The following KALRN variants were observed in gnomAD, a reference collection of about 807,000 sequenced individuals.
KALRN encodes kalirin RhoGEF kinase.
Under a neutral mutation model 353.7 loss-of-function variants are expected in KALRN, and 70 were observed. That is an observed-to-expected ratio of 0.20 (90% CI 0.16 to 0.24). The LOEUF (loss-of-function observed/expected upper bound fraction) is 0.24, where lower values mean the gene tolerates loss of function less well. Among genes scored for constraint, KALRN ranks in the 10% least tolerant of loss-of-function variants. The probability of loss-of-function intolerance (pLI) is 1.00; values close to 1 mark genes in which losing one functional copy is unlikely to be tolerated. For synonymous variants in KALRN, 1,391 were observed against 1,434.8 expected (o/e 0.97, Z 0.69); for missense variants, 2,791 against 3,756.7 (o/e 0.74, Z 6.72).
chr3:124,688,861 G>A (rs933254947), intron 51 of KALRN, among the ~76,000 whole-genome samples: 2 of 152,174 alleles, frequency 1.3e-5, no homozygotes, highest in African/African-American at 2.4e-5. Context: ...GTCAGTGCTG[G>A]TTAATATTAC....
intron 3 of KALRN, among the ~76,000 whole-genome samples, chr3:124,254,294 A>C (rs1423256409): frequency 1.3e-5 from 2 of 152,168 alleles, no homozygotes; most frequent in African/African-American, 4.8e-5. Flanking sequence ...GATATCCAGC[A>C]GACTGTGTGA....
intron 11 of KALRN, among the ~76,000 whole-genome samples, chr3:124,391,613 C>A (rs1471300732): frequency 1.3e-5 from 2 of 152,170 alleles, no homozygotes; most frequent in Non-Finnish European, 1.5e-5. Flanking sequence ...ACCTTTGGGA[C>A]ATTGAGAGAG....
chr3:124,157,522 T>C (rs1201568407), intron 1 of KALRN, among the ~76,000 whole-genome samples: 2 of 152,356 alleles, frequency 1.3e-5, no homozygotes, highest in East Asian at 3.9e-4. Flanking sequence ...TAAGTAGTTA[T>C]GTTAATAAAA....
At chr3:124,386,191 G>A (rs886510403) in intron 11 of KALRN, among the ~76,000 whole-genome samples, 6 of 152,176 alleles carry the variant, frequency 3.9e-5, no homozygotes, top group African/African-American at 1.4e-4. Context: ...TGCGGGACCT[G>A]CAGCCACTCT....
chr3:124,613,393 G>A (rs2078221070), intron 34 of KALRN, among the ~76,000 whole-genome samples: 1 of 152,156 alleles, frequency 6.6e-6, no homozygotes, highest in South Asian at 2.1e-4. Context: ...TGGGTACATT[G>A]GATGTTTTTC....
chr3:124,586,800 T>A (rs2075236972), intron 34 of KALRN, among the ~76,000 whole-genome samples: 1 of 152,008 alleles, frequency 6.6e-6, no homozygotes, highest in African/African-American at 2.4e-5. Context: ...CTGAAATGTG[T>A]GAAGATGAAA....
intron 1 of KALRN, among the ~76,000 whole-genome samples, chr3:124,071,720 T>A (rs922328253): frequency 6.6e-6 from 1 of 152,168 alleles, no homozygotes; most frequent in Non-Finnish European, 1.5e-5. Context: ...CATAATTTAG[T>A]CACTTCTTGA....
chr3:124,163,459 A>G (rs1387186667), intron 1 of KALRN: 1 of 242,504 alleles, frequency 4.1e-6, no homozygotes, highest in African/African-American at 2.3e-5. Context: ...TTATTTTGAC[A>G]AATCACGTTG....
Position 124,413,678 on chromosome 3 carries a change from G to T in KALRN, c.2542+13G>T. ...GTCCAGGCATCAGGTGGGTGACCTCGCTCATTCTCCTGGCAGAGGAGATGA... is the reference window on the plus strand; with the variant it reads ...GTCCAGGCATCAGGTGGGTGACCTCTCTCATTCTCCTGGCAGAGGAGATGA... On this transcript the variant is annotated intron_variant, in intron 14 of 59. Transcript: ENST00000682506. The T allele has an allele frequency of 1.2e-6, 2 of 1,607,270 alleles. No homozygotes were observed. The highest frequency in any genetic ancestry group is 1.7e-6 in the Non-Finnish European group (2 of 1,174,962).
intron 1 of KALRN, among the ~76,000 whole-genome samples, chr3:124,049,640 T>G (rs2040843888): frequency 6.6e-6 from 1 of 152,172 alleles, no homozygotes; most frequent in African/African-American, 2.4e-5. Context: ...GGACTGTACA[T>G]TTTTTCATGT....
intron 15 of KALRN, among the ~76,000 whole-genome samples, chr3:124,427,812 T>C (rs948657378): frequency 2.0e-5 from 3 of 152,236 alleles, no homozygotes; most frequent in Non-Finnish European, 2.9e-5. Context: ...TGTGGAATGT[T>C]AGAACTGGAA....
chr3:124,384,756 C>A, intron 10 of KALRN, 89 bp from the exon 11 acceptor site: 2 of 1,311,258 alleles, frequency 1.5e-6, no homozygotes, highest in Non-Finnish European at 2.1e-6. Flanking sequence ...AGCGCCCACG[C>A]CCCTCCGCTT....
intron 33 of KALRN, among the ~76,000 whole-genome samples, chr3:124,539,058 T>A (rs332407): frequency 0.54 from 82,126 of 151,998 alleles, 23,484 homozygotes; most frequent in African/African-American, 0.73. Flanking sequence ...TGCCACTGAG[T>A]TCTGTGCAGC....
chr3:124,169,744 GTTA>G (rs1008912067), intron 1 of KALRN, among the ~76,000 whole-genome samples: 4 of 152,172 alleles, frequency 2.6e-5, no homozygotes, highest in Non-Finnish European at 5.9e-5. Flanking sequence ...CAGGGAAGGA[GTTA>G]TTATCAACAG....
chr3:124,109,259 A>C lies in KALRN; in HGVS notation c.73+75446A>C, dbSNP rs569387511. Among the ~76,000 whole-genome samples, 3 of 151,938 alleles carry C rather than the reference A, an allele frequency of 2.0e-5. No individual in the cohort carries two copies. The South Asian group carries it at 6.2e-4, about 32-fold the overall frequency. ...TGTATGTTGCAATTTCTCGTTGTAT[A>C]GTCTATATTTCTTATTATTCTAGAT... On this transcript the variant is annotated intron_variant, in intron 1 of 59. Transcript: ENST00000682506.
chr3:124,245,642 C>A (rs1400573336), intron 3 of KALRN, among the ~76,000 whole-genome samples: 1 of 149,326 alleles, frequency 6.7e-6, no homozygotes, highest in African/African-American at 2.5e-5. Flanking sequence ...GCATCCACCT[C>A]AGCATCTGTT....
intron 57 of KALRN, among the ~76,000 whole-genome samples, chr3:124,703,043 C>T (rs561781459): frequency 7.9e-5 from 12 of 152,200 alleles, no homozygotes; most frequent in African/African-American, 2.4e-4. Context: ...TCCTTCCCCC[C>T]GGATGTATAA....
chr3:124,722,882 TG>T lies in KALRN; in HGVS notation c.*3413del, dbSNP rs2063376781. On this transcript the variant is annotated 3_prime_UTR_variant, in exon 60 of 60. Coordinates refer to ENST00000682506, the MANE Select transcript of KALRN (RefSeq NM_001388419.1). ...GCATAGGGTTTTGAGCTTTTTGTTT[TG>T]TTTTGTTTTGTAAGGGTGGGATACA... is the stretch of plus-strand genomic sequence containing the variant. 1 of 152,356 alleles carries T rather than the reference TG, an allele frequency of 6.6e-6. No homozygotes were observed. Among genetic ancestry groups the T allele is most frequent in the African/African-American group, 2.4e-5 (1 of 41,578 alleles). 9.4% of individuals were successfully genotyped at this position (152,356 alleles called of 1,614,324 possible).
At chr3:124,632,303 C>A in intron 34 of KALRN, 117 bp from the exon 35 acceptor site, 1 of 956,514 alleles carries the variant, frequency 1.0e-6, no homozygotes, top group Non-Finnish European at 1.6e-6. Flanking sequence ...GGGTCTACAG[C>A]TGGCCTGGAC....
Sources: allele counts gnomAD v4.1 joint callset (sites outside exome capture counted in the v4.1 genomes callset), GRCh38; gene constraint gnomAD v4.1.1; transcripts MANE v1.5; gene names NCBI Gene and HGNC (gene_info 2026-07-23, HGNC 2026-07-21).